Variants in CCSER1 observed in about 807,000 individuals in gnomAD.
CCSER1 encodes the protein serine-rich coiled-coil domain-containing protein 1.
A neutral mutation model predicts 82.0 loss-of-function variants in CCSER1; 41 were observed. The observed-to-expected ratio is 0.50, with a 90% CI of 0.39 to 0.65. CCSER1 has a LOEUF of 0.65. Ranked by LOEUF, CCSER1 falls within the 30% of genes least tolerant of loss-of-function variation. The pLI is 0.00. For missense variants in CCSER1, 1,119 were observed against 1,064.2 expected, an observed-to-expected ratio of 1.05 and a Z score of -0.72; for synonymous variants, 414 against 383.9, an observed-to-expected ratio of 1.08 and a Z score of -0.92.
chr4:91,463,770 T>C (rs1439552537), intron 10 of CCSER1, among the ~76,000 whole-genome samples: 2 of 152,092 alleles, frequency 1.3e-5, no homozygotes. Context: ...GAAGATCAAA[T>C]GAATGAAATG....
intron 6 of CCSER1, among the ~76,000 whole-genome samples, chr4:90,694,395 G>A (rs993749539): frequency 3.2e-4 from 49 of 151,938 alleles, no homozygotes; most frequent in African/African-American, 9.4e-4. Flanking sequence ...TCAGAAAGCC[G>A]TAGAAGTCAA....
At chr4:90,810,507 G>A (rs1243816471) in intron 7 of CCSER1, among the ~76,000 whole-genome samples, 2 of 151,978 alleles carry the variant, frequency 1.3e-5, no homozygotes, top group Non-Finnish European at 2.9e-5. Context: ...AAATTAGCCA[G>A]GTGTGGTGGC....
At chr4:90,312,221 C>T (rs1318677005) in intron 2 of CCSER1, among the ~76,000 whole-genome samples, 1 of 152,046 alleles carries the variant, frequency 6.6e-6, no homozygotes, top group Non-Finnish European at 1.5e-5. Context: ...ACCAGAGCAG[C>T]AAGAGTCCAG....
intron 1 of CCSER1, among the ~76,000 whole-genome samples, chr4:90,256,061 T>C (rs1234325685): frequency 1.3e-5 from 2 of 152,168 alleles, no homozygotes; most frequent in East Asian, 3.8e-4. Flanking sequence ...TCCAGAAGTA[T>C]GCCAAAATTT....
intron 8 of CCSER1, among the ~76,000 whole-genome samples, chr4:90,860,466 G>C: frequency 6.6e-6 from 1 of 151,576 alleles, no homozygotes; most frequent in East Asian, 1.9e-4. Context: ...TAAATATAGA[G>C]TTAACATTTT....
At position 90,127,507 on chromosome 4, in the gene CCSER1, C is replaced by T. The variant is rs1044088433; in HGVS notation, c.-366C>T. ...CCCCACGTCCCTCCCCTGCCCTCCT[C>T]TTGCTCTGCTCTTCTCTCCCTCACC... is the stretch of plus-strand genomic sequence containing the variant. On this transcript the variant is annotated 5_prime_UTR_variant, in exon 1 of 11. Coordinates refer to ENST00000509176, the MANE Select transcript of CCSER1 (RefSeq NM_001145065.2). The T allele has an allele frequency of 6.5e-6, 1 of 153,116 alleles. No homozygotes were observed. The highest frequency in any genetic ancestry group is 2.4e-5 in the African/African-American group (1 of 41,468). 9.5% of individuals were successfully genotyped at this position (153,116 alleles called of 1,614,324 possible).
At chr4:90,812,591 G>C (rs867862607) in intron 7 of CCSER1, among the ~76,000 whole-genome samples, 2 of 152,066 alleles carry the variant, frequency 1.3e-5, no homozygotes, top group African/African-American at 4.8e-5. Flanking sequence ...TATAGCCAGG[G>C]ACCAAATGGT....
At chr4:90,722,408 A>T (rs1008101013) in intron 6 of CCSER1, among the ~76,000 whole-genome samples, 3 of 151,830 alleles carry the variant, frequency 2.0e-5, no homozygotes, top group African/African-American at 7.2e-5. Context: ...TTCATGTCTT[A>T]CGTTAACATC....
chr4:90,413,812 A>G lies in CCSER1; in HGVS notation c.1603+13683A>G, dbSNP rs568661153. 6.5e-4 allele frequency among the ~76,000 whole-genome samples: 97 copies of G among 149,568 alleles called. No individual in the cohort carries two copies. The South Asian group carries it at 7.8e-3, about 12-fold the overall frequency. ...CAAAAAAAAAAAATTAGCCGCGCGT[A>G]GTGGCGGGCGCCTGTAGTTCCAGCT... On this transcript the variant is annotated intron_variant, in intron 4 of 10. Coordinates refer to ENST00000509176, the MANE Select transcript of CCSER1 (RefSeq NM_001145065.2).
At chr4:90,669,485 T>A (rs1177931844) in intron 6 of CCSER1, among the ~76,000 whole-genome samples, 1 of 152,052 alleles carries the variant, frequency 6.6e-6, no homozygotes, top group Non-Finnish European at 1.5e-5. Context: ...TTATAGAGAG[T>A]CTCTGTAAAG....
chr4:91,125,628 C>G (rs1727441916), intron 10 of CCSER1, among the ~76,000 whole-genome samples: 1 of 151,688 alleles, frequency 6.6e-6, no homozygotes, highest in Non-Finnish European at 1.5e-5. Context: ...AGATATCCAT[C>G]TGTTGTATCA....
intron 1 of CCSER1, among the ~76,000 whole-genome samples, chr4:90,231,553 AACTGGC>A (rs1327259225): frequency 1.4e-5 from 2 of 143,912 alleles, no homozygotes; most frequent in African/African-American, 5.4e-5. Flanking sequence ...TCCCTTTGAA[AACTGGC>A]ACAAGACAGG....
At chr4:91,172,374 T>C (rs543403611) in intron 10 of CCSER1, among the ~76,000 whole-genome samples, 1 of 152,168 alleles carries the variant, frequency 6.6e-6, no homozygotes, top group Non-Finnish European at 1.5e-5. Flanking sequence ...GATGCATTGA[T>C]GGAAAGGCAT....
intron 5 of CCSER1, among the ~76,000 whole-genome samples, chr4:90,487,877 T>C (rs1201669024): frequency 6.6e-6 from 1 of 152,078 alleles, no homozygotes; most frequent in African/African-American, 2.4e-5. Context: ...CTTGACCTAG[T>C]GATCTGCCCA....
intron 10 of CCSER1, among the ~76,000 whole-genome samples, chr4:91,594,256 C>T (rs955155818): frequency 2.7e-5 from 4 of 150,238 alleles, no homozygotes; most frequent in Non-Finnish European, 5.9e-5. Flanking sequence ...TTCCTCTGGG[C>T]CAAGGCAACC....
intron 5 of CCSER1, among the ~76,000 whole-genome samples, chr4:90,610,251 TCAAATAAATAAA>T (rs1416291800): frequency 9.0e-6 from 1 of 111,148 alleles, no homozygotes; most frequent in Non-Finnish European, 1.8e-5. Context: ...AGACTCCATC[TCAAATAAATAAA>T]TAAATAAATA....
intron 1 of CCSER1, among the ~76,000 whole-genome samples, chr4:90,301,058 C>G (rs1011840609): frequency 2.0e-5 from 3 of 151,916 alleles, no homozygotes; most frequent in African/African-American, 7.3e-5. Flanking sequence ...GGTCTCCAAC[C>G]CCTGGGCTCA....
At chr4:90,198,372 A>G (rs185806708) in intron 1 of CCSER1, among the ~76,000 whole-genome samples, 5 of 152,288 alleles carry the variant, frequency 3.3e-5, no homozygotes, top group Admixed American at 2.6e-4. Flanking sequence ...CAAGGGTTTT[A>G]GAAACTATTT....
intron 10 of CCSER1, among the ~76,000 whole-genome samples, chr4:91,448,260 A>C (rs570740629): frequency 6.6e-6 from 1 of 152,216 alleles, no homozygotes; most frequent in African/African-American, 2.4e-5. Flanking sequence ...GCTTTTCTAT[A>C]AATTTAATTT....
Sources: gnomAD v4.1 joint callset for allele counts (sites outside exome capture counted in the v4.1 genomes callset) on GRCh38, gnomAD v4.1.1 for gene constraint, MANE v1.5 for transcripts, NCBI Gene and HGNC (gene_info 2026-07-23, HGNC 2026-07-21) for gene names.